The following SETD2 variants were observed in gnomAD, a reference collection of about 807,000 sequenced individuals.
SETD2 encodes the protein histone-lysine N-methyltransferase SETD2.
Under a neutral mutation model 242.1 loss-of-function variants are expected in SETD2, and 31 were observed. That is an observed-to-expected ratio of 0.13 (90% CI 0.10 to 0.17). The LOEUF (loss-of-function observed/expected upper bound fraction) is 0.17. Ranked by LOEUF, SETD2 falls within the 10% of genes least tolerant of loss-of-function variation. The pLI is 1.00. For synonymous variants in SETD2, 1,006 were observed against 1,066.5 expected (o/e 0.94, Z 1.11); for missense variants, 2,481 against 3,046.3 (o/e 0.81, Z 4.37).
At chr3:47,127,504 G>C (rs2043366033) in intron 1 of SETD2, 1 of 431,640 alleles carries the variant, frequency 2.3e-6, no homozygotes, top group Non-Finnish European at 4.6e-6. Context: ...AAATTGGGAG[G>C]ATCACTTGAG....
intron 16 of SETD2, among the ~76,000 whole-genome samples, chr3:47,044,344 C>CAAAAAAAAAAA (rs59408277): frequency 8.8e-4 from 30 of 33,948 alleles, no homozygotes; most frequent in African/African-American, 1.7e-3. Flanking sequence ...GACTTCATCT[C>CAAAAAAAAAAA]AAAAAAAAAA....
chr3:47,079,167 T>C (rs1416624877), intron 12 of SETD2, among the ~76,000 whole-genome samples: 1 of 152,200 alleles, frequency 6.6e-6, no homozygotes, highest in Admixed American at 6.5e-5. Context: ...CAGTTTTTCA[T>C]TGAGCCTGAA....
intron 13 of SETD2, among the ~76,000 whole-genome samples, chr3:47,066,770 A>G (rs1488228125): frequency 1.3e-5 from 2 of 149,658 alleles, no homozygotes; most frequent in African/African-American, 4.8e-5. Context: ...AAAAGAAAAA[A>G]AGACTAAATA....
At position 47,123,935 on chromosome 3, in the gene SETD2, G is replaced by A. The variant is rs1328781978; in HGVS notation, c.701C>T (p.Ala234Val). Residue 234 changes from alanine (A) to valine (V), a missense_variant, in exon 3 of 21, where the codon GCA becomes GTA. By Grantham distance (64) the Ala-to-Val change is moderately conservative. Coordinates refer to ENST00000409792, the MANE Select transcript of SETD2 (RefSeq NM_014159.7). Reference sequence around the variant, plus strand: ...TGGTGGTTCTTTCAGAGATCTAACTGCTACATCTACTGGTAAGGGTACTGG... The same window carrying A: ...TGGTGGTTCTTTCAGAGATCTAACTACTACATCTACTGGTAAGGGTACTGG... ...AAPVPLPVDV[A>V]VRSLKEPPII... The A allele has an allele frequency of 1.3e-6, 2 of 1,551,796 alleles. No homozygotes were observed. Among genetic ancestry groups the A allele is most frequent in the East Asian group, 4.9e-5 (2 of 40,920 alleles).
intron 11 of SETD2, among the ~76,000 whole-genome samples, chr3:47,084,741 T>C (rs1225798849): frequency 6.6e-6 from 1 of 151,858 alleles, no homozygotes; most frequent in African/African-American, 2.4e-5. Context: ...TGATTTTGTT[T>C]TTTTTTTGAG....
In SETD2 at chr3:47,120,397, ACTCT is replaced by A. The variant is rs771527963; in HGVS notation, c.4235_4238del (p.Glu1412ValfsTer19). ...GAAGCTCACCATCACTTTCAGAATC[ACTCT>A]CTATTTCCTGCCTCCTTTTTTTAAG... On this transcript the variant is annotated frameshift_variant, in exon 3 of 21. Transcript: ENST00000409792. LOFTEE classifies it high-confidence loss of function. 1 of 1,611,000 alleles carries A rather than the reference ACTCT, an allele frequency of 6.2e-7. No homozygotes were observed. Among genetic ancestry groups the A allele is most frequent in the African/African-American group, 1.3e-5 (1 of 74,362 alleles).
chr3:47,131,607 C>T (rs1438269211), intron 1 of SETD2, among the ~76,000 whole-genome samples: 1 of 152,082 alleles, frequency 6.6e-6, no homozygotes, highest in Admixed American at 6.5e-5. Flanking sequence ...TCCCAAAGTG[C>T]TGGGATTACA....
intron 9 of SETD2, among the ~76,000 whole-genome samples, chr3:47,096,161 G>A (rs2041998287): frequency 1.3e-5 from 2 of 152,092 alleles, no homozygotes; most frequent in South Asian, 2.1e-4. Flanking sequence ...AGGTAGGAGG[G>A]GACTCCACTC....
intron 13 of SETD2, among the ~76,000 whole-genome samples, chr3:47,064,299 T>C (rs1001255552): frequency 3.9e-5 from 6 of 152,184 alleles, no homozygotes; most frequent in Non-Finnish European, 5.9e-5. Context: ...GGTATGAGCA[T>C]TCGTCAACAA....
intron 1 of SETD2, among the ~76,000 whole-genome samples, chr3:47,153,363 T>C (rs570894075): frequency 6.6e-6 from 1 of 152,298 alleles, no homozygotes; most frequent in Admixed American, 6.5e-5. Context: ...AAATACTGTA[T>C]AAGTCCAACT....
At chr3:47,018,363 T>G (rs1247029851) in intron 19 of SETD2, among the ~76,000 whole-genome samples, 2 of 152,278 alleles carry the variant, frequency 1.3e-5, no homozygotes, top group African/African-American at 2.4e-5. Context: ...GAATAGGACC[T>G]TCAGAGGTAT....
In SETD2 at chr3:47,121,142, C is replaced by T. The variant is rs1359461709; in HGVS notation, c.3494G>A (p.Ser1165Asn). The T allele has an allele frequency of 9.3e-6, 15 of 1,614,182 alleles. No individual in the cohort carries two copies. Among genetic ancestry groups the T allele is most frequent in the African/African-American group, 1.3e-5 (1 of 75,066 alleles). ...ATGACTTGTACTATCAACCCCATCA[C>T]TCTGAGGATGAGAAAGTTCAGGCAG... is the stretch of plus-strand genomic sequence containing the variant. ...NRLPELSHPQ[S>N]DGVDSTSHTD... The change falls in exon 3 of 21, where the codon AGT (serine) becomes AAT (asparagine). Residue 1165 changes from serine (S) to asparagine (N), a missense_variant. Coordinates refer to ENST00000409792, the MANE Select transcript of SETD2 (RefSeq NM_014159.7).
rs12631730 is a variant in SETD2, at chr3:47,088,413, C to T, written c.5143-166G>A. ...AAAAAGTTAAGAAGGCTGATAATAA[C>T]AAGTCTACTGTTGATGAAAGTATAA... On this transcript the variant is annotated intron_variant, in intron 9 of 20. Transcript: ENST00000409792. Among the ~76,000 whole-genome samples, 125,294 of 150,586 alleles carry T rather than the reference C, an allele frequency of 0.83. 51,775 individuals carry two copies. The highest frequency in any genetic ancestry group is 0.84 in the Non-Finnish European group (57,350 of 67,962).
intron 8 of SETD2, among the ~76,000 whole-genome samples, chr3:47,100,543 T>G (rs1329392606): frequency 6.6e-6 from 1 of 151,976 alleles, no homozygotes; most frequent in Non-Finnish European, 1.5e-5. Context: ...CGTGACCCAC[T>G]GCAACCAGCC....
At chr3:47,100,967 G>A (rs1236237154) in intron 8 of SETD2, among the ~76,000 whole-genome samples, 2 of 125,130 alleles carry the variant, frequency 1.6e-5, no homozygotes, top group South Asian at 2.6e-4. Context: ...CCAAGATCAC[G>A]CCACTGCACT....
At chr3:47,078,811 G>C (rs2107627808) in intron 12 of SETD2, among the ~76,000 whole-genome samples, 1 of 151,880 alleles carries the variant, frequency 6.6e-6, no homozygotes, top group South Asian at 2.1e-4. Flanking sequence ...GATCACTGCA[G>C]CCTCAACCTC....
rs1446594482 is a variant in SETD2, at chr3:47,019,848, TG to T, written c.7351-9del. On this transcript the variant is annotated splice_polypyrimidine_tract_variant and intron_variant, in intron 18 of 20. Transcript: ENST00000409792. ...CTTGGGCTTTTTCGAGGCCTAAAAA[TG>T]GAGGAGAAAACACAGTGGTGCTGGC... 6.2e-7 allele frequency: 1 copy of T among 1,613,154 alleles called. No homozygotes were observed. Among genetic ancestry groups the T allele is most frequent in the Admixed American group, 1.7e-5 (1 of 60,010 alleles).
At chr3:47,094,498 C>T (rs1405300131) in intron 9 of SETD2, among the ~76,000 whole-genome samples, 1 of 152,222 alleles carries the variant, frequency 6.6e-6, no homozygotes, top group Non-Finnish European at 1.5e-5. Context: ...CTTGTCCTTT[C>T]CATGGCATCC....
intron 16 of SETD2, among the ~76,000 whole-genome samples, chr3:47,044,174 C>T (rs1285696507): frequency 6.6e-6 from 1 of 151,550 alleles, no homozygotes; most frequent in Non-Finnish European, 1.5e-5. Flanking sequence ...AACCCTGTCT[C>T]TACTAAAAAT....
Sources: allele counts gnomAD v4.1 joint callset (sites outside exome capture counted in the v4.1 genomes callset), GRCh38; gene constraint gnomAD v4.1.1; transcripts MANE v1.5; gene names NCBI Gene and HGNC (gene_info 2026-07-23, HGNC 2026-07-21).